TMEM72: variants seen among roughly 807,000 people sequenced by gnomAD.
The protein encoded by TMEM72 is transmembrane protein 72.
A neutral mutation model predicts 16.3 loss-of-function variants in TMEM72; 9 were observed. The ratio of observed to expected loss-of-function variants is 0.55; its 90% CI spans 0.33 to 0.96. TMEM72 has a LOEUF of 0.96. TMEM72 is among the 40% of genes least tolerant of loss of function. TMEM72 has a pLI of 0.03. For missense variants in TMEM72, 324 were observed against 337.8 expected (o/e 0.96, Z 0.32); for synonymous variants, 160 against 146.5 (o/e 1.09, Z -0.66).
chr10:44,923,080 C>A (rs1239104992), intron 1 of TMEM72: 1 of 152,350 alleles, frequency 6.6e-6, no homozygotes, highest in Non-Finnish European at 1.5e-5. Context: ...AGGCGGCTCA[C>A]CTCTACTCCA....
intron 3 of TMEM72, 83 bp downstream of exon 3, chr10:44,932,152 A>G: frequency 4.1e-6 from 6 of 1,479,808 alleles, no homozygotes; most frequent in Non-Finnish European, 5.6e-6. Flanking sequence ...GCCCACAACC[A>G]GGGGATGTCC....
chr10:44,935,332 T>C lies in TMEM72; in HGVS notation c.*198T>C, dbSNP rs1840383484. ...GCCTCGAGGGAGGCACAAACAAGGCTCACGCCACCTCAAGCCAGCACAAGC... is the reference window on the plus strand; with the variant it reads ...GCCTCGAGGGAGGCACAAACAAGGCCCACGCCACCTCAAGCCAGCACAAGC... On this transcript the variant is annotated 3_prime_UTR_variant, in exon 5 of 5. Coordinates refer to ENST00000389583, the MANE Select transcript of TMEM72 (RefSeq NM_001123376.3). The C allele has an allele frequency of 5.7e-6, 3 of 525,044 alleles. No homozygotes were observed. The African/African-American group carries it at 5.8e-5, about 10-fold the overall frequency. 32.5% of individuals were successfully genotyped at this position (525,044 alleles called of 1,614,324 possible).
In TMEM72 at chr10:44,934,656, G is replaced by A. The variant is rs755773091; in HGVS notation, c.350G>A (p.Gly117Asp). 1 of 1,564,540 alleles carries A rather than the reference G, an allele frequency of 6.4e-7. No homozygotes were observed. Among genetic ancestry groups the A allele is most frequent in the African/African-American group, 1.4e-5 (1 of 72,886 alleles). Reference protein sequence around the residue: ...PVLVWHVTIPGSMLIITGLAY... With the variant: ...PVLVWHVTIPDSMLIITGLAY... ...GCCCTGACCTCTGGCTCTTTTCCAG[G>A]CTCCATGCTCATCATCACCGGCCTG... The change falls in exon 5 of 5, where the codon GGC (glycine) becomes GAC (aspartate). Residue 117 changes from glycine to aspartate, a missense_variant and splice_region_variant. Physicochemically the swap from Gly to Asp is moderately conservative, Grantham distance 94. Coordinates refer to ENST00000389583, the MANE Select transcript of TMEM72 (RefSeq NM_001123376.3).
In TMEM72 at chr10:44,928,003, T is replaced by C. The variant is rs773677911; in HGVS notation, c.137+16T>C. On this transcript the variant is annotated intron_variant, in intron 2 of 4. Coordinates refer to ENST00000389583, the MANE Select transcript of TMEM72 (RefSeq NM_001123376.3). Reference sequence around the variant, plus strand: ...TCTATCTGCTGTGAGTATGTGTGCATGTGCCACTTTTGACCTGCAAGTTCT... The same window carrying C: ...TCTATCTGCTGTGAGTATGTGTGCACGTGCCACTTTTGACCTGCAAGTTCT... 1 of 1,613,022 alleles carries C rather than the reference T, an allele frequency of 6.2e-7. No individual in the cohort carries two copies. The highest frequency in any genetic ancestry group is 1.1e-5 in the South Asian group (1 of 91,084).
At chr10:44,931,516 G>T (rs1423523927) in intron 2 of TMEM72, among the ~76,000 whole-genome samples, 1 of 152,218 alleles carries the variant, frequency 6.6e-6, no homozygotes, top group African/African-American at 2.4e-5. Flanking sequence ...AGGGGGCAGG[G>T]CCTGAACCCA....
At chr10:44,916,241 C>G (rs957046599) in intron 1 of TMEM72, among the ~76,000 whole-genome samples, 14 of 152,138 alleles carry the variant, frequency 9.2e-5, no homozygotes, top group Non-Finnish European at 2.1e-4. Context: ...GTCAGGCTGA[C>G]GTGCTGTTTC....
intron 1 of TMEM72, among the ~76,000 whole-genome samples, chr10:44,917,892 T>G (rs570463575): frequency 6.6e-6 from 1 of 152,096 alleles, no homozygotes; most frequent in Non-Finnish European, 1.5e-5. Context: ...TAAAAGAAAT[T>G]TCTCCTGTGG....
At chr10:44,914,747 T>C (rs1839989282) in intron 1 of TMEM72, among the ~76,000 whole-genome samples, 1 of 152,094 alleles carries the variant, frequency 6.6e-6, no homozygotes, top group Non-Finnish European at 1.5e-5. Context: ...GGGAAATGGA[T>C]TTAACTGAGC....
intron 1 of TMEM72, among the ~76,000 whole-genome samples, chr10:44,915,151 G>A (rs1006967135): frequency 7.2e-5 from 11 of 152,204 alleles, no homozygotes; most frequent in African/African-American, 2.7e-4. Flanking sequence ...CTGGGCACTT[G>A]AGCAAGGCCT....
intron 2 of TMEM72, among the ~76,000 whole-genome samples, chr10:44,928,572 A>G (rs1840239327): frequency 6.6e-6 from 1 of 151,940 alleles, no homozygotes; most frequent in African/African-American, 2.4e-5. Flanking sequence ...CAATTCATCC[A>G]GCCAGCCACT....
intron 2 of TMEM72, among the ~76,000 whole-genome samples, chr10:44,929,906 G>A (rs75491087): frequency 0.032 from 4,879 of 152,316 alleles, 204 homozygotes; most frequent in African/African-American, 0.091. Context: ...GCCCCTGCTG[G>A]CTGGCAGTGA....
rs1009667658 is a variant in TMEM72, at chr10:44,936,655, C to T, written c.*1521C>T. On this transcript the variant is annotated 3_prime_UTR_variant, in exon 5 of 5. Coordinates refer to ENST00000389583, the MANE Select transcript of TMEM72 (RefSeq NM_001123376.3). Reference sequence around the variant, plus strand: ...AGGCAGGACCTCAGGACCTGACTGTCTACAGTCAGGGAATAGTGAACAATA... The same window carrying T: ...AGGCAGGACCTCAGGACCTGACTGTTTACAGTCAGGGAATAGTGAACAATA... 1 of 152,216 alleles carries T rather than the reference C, an allele frequency of 6.6e-6. No homozygotes were observed. The highest frequency in any genetic ancestry group is 1.5e-5 in the Non-Finnish European group (1 of 68,036). The allele number at this position is 152,216 out of a possible 1,614,324, so 9.4% of individuals were successfully genotyped here. A position where few individuals can be genotyped will look rare whatever the true frequency, so the allele number is the denominator to read the frequency against.
intron 1 of TMEM72, among the ~76,000 whole-genome samples, chr10:44,922,759 A>C (rs1220011837): frequency 6.6e-6 from 1 of 152,232 alleles, no homozygotes; most frequent in African/African-American, 2.4e-5. Context: ...TCCATGACCC[A>C]GTGGAAGTCC....
At chr10:44,919,687 C>T (rs555859002) in intron 1 of TMEM72, among the ~76,000 whole-genome samples, 1 of 152,312 alleles carries the variant, frequency 6.6e-6, no homozygotes, top group African/African-American at 2.4e-5. Context: ...GGCTCAATAT[C>T]GTTAAGACAT....
At chr10:44,912,620 T>G (rs1033878925) in intron 1 of TMEM72, among the ~76,000 whole-genome samples, 3 of 152,196 alleles carry the variant, frequency 2.0e-5, no homozygotes, top group Non-Finnish European at 4.4e-5. Flanking sequence ...AGGCTGCACT[T>G]TCTGATCTGT....
At chr10:44,926,079 A>G (rs1050266497) in intron 1 of TMEM72, among the ~76,000 whole-genome samples, 8 of 151,954 alleles carry the variant, frequency 5.3e-5, no homozygotes, top group African/African-American at 1.9e-4. Context: ...ACATTCACAC[A>G]TACATTCACA....
intron 1 of TMEM72, among the ~76,000 whole-genome samples, chr10:44,922,273 C>T (rs955208487): frequency 5.9e-5 from 9 of 152,190 alleles, no homozygotes; most frequent in East Asian, 5.8e-4. Context: ...CGGGAACAGA[C>T]GCTCAGCAGA....
Position 44,932,063 on chromosome 10 carries a change from G to A in TMEM72, c.203G>A (p.Cys68Tyr), listed in dbSNP as rs371128257. The A allele has an allele frequency of 5.6e-6, 9 of 1,612,784 alleles. No individual in the cohort carries two copies. Among genetic ancestry groups the A allele is most frequent in the Non-Finnish European group, 7.6e-6 (9 of 1,179,430 alleles). Residue 68 changes from cysteine (C) to tyrosine (Y), a missense_variant, in exon 3 of 5, where the codon TGC becomes TAC. Transcript: ENST00000389583. ...TTTGTGGCTCAGCTGCTGGCCATCT[G>A]CTTCCAGTAAGTAGTTTCCAGAGAG... is the stretch of plus-strand genomic sequence containing the variant. ...AYFVAQLLAI[C>Y]FQCQPGSLAD...
chr10:44,921,199 CA>C (rs1216293959), intron 1 of TMEM72, among the ~76,000 whole-genome samples: 1 of 152,198 alleles, frequency 6.6e-6, no homozygotes, highest in Non-Finnish European at 1.5e-5. Context: ...ATGGCTCCAT[CA>C]AGGTGCGATG....
Sources: allele counts gnomAD v4.1 joint callset (sites outside exome capture counted in the v4.1 genomes callset), GRCh38; gene constraint gnomAD v4.1.1; transcripts MANE v1.5; gene names NCBI Gene and HGNC (gene_info 2026-07-23, HGNC 2026-07-21).